The following KNL1 variants were observed in gnomAD, a reference collection of about 807,000 sequenced individuals.
KNL1 encodes kinetochore scaffold 1, also known as outer kinetochore KNL1 complex subunit KNL1.
A neutral mutation model predicts 201.3 loss-of-function variants in KNL1; 66 were observed. The ratio of observed to expected loss-of-function variants is 0.33; its 90% CI spans 0.27 to 0.40. KNL1 has a LOEUF of 0.40. KNL1 is among the 10% of genes least tolerant of loss of function. KNL1 has a pLI of 1.00. For missense variants in KNL1, 2,815 were observed against 2,690.5 expected (o/e 1.05, Z -1.02); for synonymous variants, 895 against 899.2 (o/e 1.00, Z 0.08).
chr15:40,635,410 G>A (rs1361111425), intron 13 of KNL1, among the ~76,000 whole-genome samples: 3 of 149,016 alleles, frequency 2.0e-5, no homozygotes, highest in Non-Finnish European at 3.0e-5. Context: ...GCTGGAGTGC[G>A]GTGGCATGAT....
chr15:40,601,066 G>C (rs1213710344), intron 1 of KNL1, among the ~76,000 whole-genome samples: 1 of 152,188 alleles, frequency 6.6e-6, no homozygotes, highest in Non-Finnish European at 1.5e-5. Flanking sequence ...GAACGGTATA[G>C]GTCCACTGCC....
chr15:40,620,726 A>G lies in KNL1; in HGVS notation c.462A>G (p.Thr154=). The change falls in exon 10 of 26, where the codon ACA becomes ACG. Residue 154 remains threonine (T), a synonymous_variant. Coordinates refer to ENST00000399668, the MANE Select transcript of KNL1 (RefSeq NM_144508.5). ...CAGATGAAAACCAGATGGACCTGAC[A>G]TCAAGTCACACTGTAATGATTACCA... The part of the protein sequence containing the change: ...IFSDENQMDL[T]SSHTVMITKG... 1 of 1,611,500 alleles carries G rather than the reference A, an allele frequency of 6.2e-7. No homozygotes were observed. The highest frequency in any genetic ancestry group is 1.3e-5 in the African/African-American group (1 of 74,872).
chr15:40,644,603 G>A (rs1393216783), intron 14 of KNL1, among the ~76,000 whole-genome samples: 2 of 152,210 alleles, frequency 1.3e-5, no homozygotes, highest in Admixed American at 6.5e-5. Flanking sequence ...GAGAAACCTT[G>A]GACAATACCC....
intron 10 of KNL1, 52 bp downstream of exon 10, chr15:40,625,692 GT>G (rs768619848): frequency 5.3e-5 from 77 of 1,451,480 alleles, no homozygotes; most frequent in Non-Finnish European, 7.0e-5. Flanking sequence ...GTTTTGTTTT[GT>G]TTTCTTAAAT....
chr15:40,606,560 T>A (rs1891980978), intron 4 of KNL1, 108 bp downstream of exon 4: 3 of 636,242 alleles, frequency 4.7e-6, no homozygotes, highest in Admixed American at 2.4e-5. Flanking sequence ...TCCCATGAGT[T>A]TCCAAACACT....
intron 17 of KNL1, among the ~76,000 whole-genome samples, chr15:40,648,932 C>T (rs1472858879): frequency 1.3e-5 from 2 of 150,298 alleles, no homozygotes; most frequent in Non-Finnish European, 3.0e-5. Context: ...CAGATTCAAG[C>T]GATTTTCCTG....
Position 40,610,274 on chromosome 15 carries a change from T to C in KNL1, c.227T>C (p.Ile76Thr), listed in dbSNP as rs778479130. The change falls in exon 6 of 26, where the codon ATA (isoleucine) becomes ACA (threonine). Residue 76 changes from isoleucine (I) to threonine (T), a missense_variant. Physicochemically the swap from Ile to Thr is moderately conservative, Grantham distance 89. Around this residue, in one of 3 missense-constraint regions of KNL1, gnomAD observed 2,464 missense variants for 2,291.7 expected, o/e 1.08. Transcript: ENST00000399668. ...KVFQTESHMK[I>T]VRKSEMEETE... Reference sequence around the variant, plus strand: ...TTCCAGACGGAGTCTCATATGAAAATAGTGAGAAAGTCAGAAATGGAAGGT... The same window carrying C: ...TTCCAGACGGAGTCTCATATGAAAACAGTGAGAAAGTCAGAAATGGAAGGT... 6.5e-7 allele frequency: 1 copy of C among 1,537,862 alleles called. No individual in the cohort carries two copies. Among genetic ancestry groups the C allele is most frequent in the East Asian group, 2.3e-5 (1 of 44,404 alleles).
Position 40,625,477 on chromosome 15 carries a change from T to C in KNL1, c.5213T>C (p.Leu1738Ser), listed in dbSNP as rs747935887. The change falls in exon 10 of 26, where the codon TTG becomes TCG. Residue 1738 changes from leucine (L) to serine (S), a missense_variant. Around this residue, in one of 3 missense-constraint regions of KNL1, gnomAD observed 2,464 missense variants for 2,291.7 expected, o/e 1.08. Transcript: ENST00000399668. ...SINIETEEKA[L>S]IETYQKEISP... ...AACATAGAAACTGAGGAAAAGGCCT[T>C]GATTGAGACATACCAAAAAGAGATT... The C allele has an allele frequency of 6.2e-7, 1 of 1,613,800 alleles. No individual in the cohort carries two copies.
chr15:40,626,175 CAG>C (rs1466673620), intron 10 of KNL1: 3 of 152,152 alleles, frequency 2.0e-5, no homozygotes, highest in Non-Finnish European at 4.4e-5. Flanking sequence ...ATTTTTGAGA[CAG>C]AGTCTTGTTC....
chr15:40,636,099 A>G (rs1893048507), intron 13 of KNL1, among the ~76,000 whole-genome samples: 1 of 152,148 alleles, frequency 6.6e-6, no homozygotes, highest in Non-Finnish European at 1.5e-5. Context: ...CGGCCTCCCA[A>G]AGTGCTGGGA....
chr15:40,619,488 A>G (rs540909994), intron 9 of KNL1, among the ~76,000 whole-genome samples: 2 of 151,976 alleles, frequency 1.3e-5, no homozygotes, highest in African/African-American at 2.4e-5. Flanking sequence ...TGCAGCCTCA[A>G]TCTTCTGGGC....
In KNL1 at chr15:40,655,066, G is replaced by A. The variant is rs551781726; in HGVS notation, c.6484+89G>A. 10 of 979,578 alleles carry A rather than the reference G, an allele frequency of 1.0e-5. No homozygotes were observed. The African/African-American group carries it at 1.1e-4, about 11-fold the overall frequency. The allele number at this position is 979,578 out of a possible 1,614,324, so 60.7% of individuals were successfully genotyped here. ...TAATCCCAGCACTTTGGGAGGCTGA[G>A]GCGGGTGGATCACCAGGGGTCAGGA... On this transcript the variant is annotated intron_variant, in intron 22 of 25. Transcript: ENST00000399668.
Position 40,608,747 on chromosome 15 carries a change from A to G in KNL1, c.136-100A>G, listed in dbSNP as rs1273595734. 41 of 192,604 alleles carry G rather than the reference A, an allele frequency of 2.1e-4. No individual in the cohort carries two copies. In the East Asian group the frequency reaches 3.7e-3, roughly 17 times the overall value. The allele number at this position is 192,604 out of a possible 1,614,324, so 11.9% of individuals were successfully genotyped here. On this transcript the variant is annotated intron_variant, in intron 4 of 25. Coordinates refer to ENST00000399668, the MANE Select transcript of KNL1 (RefSeq NM_144508.5). ...GCAACAAGAGCGAAACTCCATCTCAAAAAAAAAAAAAAAAGGACTTGATCT... is the reference window on the plus strand; with the variant it reads ...GCAACAAGAGCGAAACTCCATCTCAGAAAAAAAAAAAAAAGGACTTGATCT...
intron 17 of KNL1, chr15:40,650,057 C>G: frequency 3.1e-6 from 1 of 327,360 alleles, no homozygotes. Flanking sequence ...ACTGAATTGA[C>G]CATGAGTACA....
intron 13 of KNL1, among the ~76,000 whole-genome samples, chr15:40,637,664 C>T (rs929571342): frequency 1.3e-5 from 2 of 152,096 alleles, no homozygotes; most frequent in Non-Finnish European, 2.9e-5. Context: ...CACAGATAGT[C>T]CACATGGGTG....
rs1198821763 is a variant in KNL1, at chr15:40,654,968, C to T, written c.6475C>T (p.Leu2159=). The part of the protein sequence containing the change: ...RKIVDVNFQS[L]LDEDQAPPSS... ...GATTGTTGATGTCAATTTTCAATCT[C>T]TGTTAGATGGTAAGTAGAAAACATT... The change falls in exon 22 of 26, where the codon CTG becomes TTG. Residue 2159 remains leucine (L), a synonymous_variant. Transcript: ENST00000399668. 3.1e-6 allele frequency: 5 copies of T among 1,611,914 alleles called. No homozygotes were observed. In the Admixed American group the frequency reaches 8.3e-5, roughly 27 times the overall value.
Position 40,628,094 on chromosome 15 carries a change from G to T in KNL1, c.5401G>T (p.Asp1801Tyr). 1 of 1,606,384 alleles carries T rather than the reference G, an allele frequency of 6.2e-7. No individual in the cohort carries two copies. Among genetic ancestry groups the T allele is most frequent in the Non-Finnish European group, 8.5e-7 (1 of 1,177,334 alleles). Residue 1801 changes from aspartate (D) to tyrosine (Y), a missense_variant, in exon 11 of 26, where the codon GAT becomes TAT. By Grantham distance (160) the Asp-to-Tyr change is radical. Transcript: ENST00000399668. ...GATTTTTGATCACCATACTGAAGAG[G>T]ATATAGATAAAAGTGCTAACAGTGT... ...REIFDHHTEE[D>Y]IDKSANSVLI...
chr15:40,657,787 C>T (rs1170066505), intron 24 of KNL1, among the ~76,000 whole-genome samples: 1 of 152,178 alleles, frequency 6.6e-6, no homozygotes, highest in East Asian at 1.9e-4. Context: ...GCCCACCTTA[C>T]TCTAGTAGGA....
rs776320260 is a variant in KNL1, at chr15:40,623,676, T to A, written c.3412T>A (p.Cys1138Ser). ...TAGGAGTCACACAACTGCCTTAGAA[T>A]GTAAAACTCTCCTGCCAAATGAAAT... is the stretch of plus-strand genomic sequence containing the variant. The part of the protein sequence containing the change: ...ITRSHTTALE[C>S]KTLLPNEIAI... Residue 1138 changes from cysteine to serine, a missense_variant, in exon 10 of 26, where the codon TGT becomes AGT. Cys to Ser is a moderately radical substitution (Grantham distance 112, BLOSUM62 -1). This residue lies in a region of KNL1 where 2,464 missense variants were observed against 2,291.7 expected (regional missense o/e 1.08). Transcript: ENST00000399668. The A allele has an allele frequency of 6.2e-7, 1 of 1,613,794 alleles. No individual in the cohort carries two copies.
Sources: allele counts gnomAD v4.1 joint callset (sites outside exome capture counted in the v4.1 genomes callset), GRCh38; gene constraint gnomAD v4.1.1; regional missense constraint gnomAD v4.1.1; transcripts MANE v1.5; gene names NCBI Gene and HGNC (gene_info 2026-07-23, HGNC 2026-07-21).